The following MAF variants were observed in gnomAD, a reference collection of about 807,000 sequenced individuals.
MAF encodes the protein MAF bZIP transcription factor, also known as transcription factor Maf.
In MAF, 10 loss-of-function variants were observed where a neutral mutation model predicts 22.0. The ratio of observed to expected loss-of-function variants is 0.45; its 90% CI spans 0.28 to 0.77. The LOEUF (loss-of-function observed/expected upper bound fraction) is 0.77. Among genes scored for constraint, MAF ranks in the 30% least tolerant of loss-of-function variants. The pLI is 0.12. For synonymous variants in MAF, 337 were observed against 255.8 expected, an observed-to-expected ratio of 1.32 and a Z score of -3.03; for missense variants, 544 against 548.4, an observed-to-expected ratio of 0.99 and a Z score of 0.08.
At chr16:79,421,782 T>C in the MAF span, among the ~76,000 whole-genome samples, 1 of 152,056 alleles carries the variant, frequency 6.6e-6, no homozygotes, top group East Asian at 1.9e-4. Context: ...TCTTTTGTTT[T>C]GTTTTTTTCT....
the MAF span, among the ~76,000 whole-genome samples, chr16:79,453,017 G>A: frequency 2.0e-5 from 3 of 152,172 alleles, no homozygotes; most frequent in Non-Finnish European, 4.4e-5. Flanking sequence ...CTGTATTTAT[G>A]GAGCTAGCTG....
Position 79,599,145 on chromosome 16 carries a change from C to A in MAF, c.758G>T (p.Gly253Val). 6.4e-7 allele frequency: 1 copy of A among 1,561,970 alleles called. No homozygotes were observed. Among genetic ancestry groups the A allele is most frequent in the Non-Finnish European group, 8.6e-7 (1 of 1,160,434 alleles). The change falls in exon 1 of 2, where the codon GGC (glycine) becomes GTC (valine). Residue 253 changes from glycine to valine, a missense_variant. This residue lies in a region of MAF where 342 missense variants were observed against 315.5 expected (regional missense o/e 1.08). Transcript: ENST00000326043. ...GGALHPHHAA[G>V]GLHFDDRFSD... ...GAAGCGGTCGTCGAAGTGCAGGCCG[C>A]CGGCGGCGTGGTGCGGGTGCAGGGC...
the MAF span, among the ~76,000 whole-genome samples, chr16:79,408,025 G>A: frequency 0.018 from 2,347 of 131,536 alleles, 68 homozygotes; most frequent in African/African-American, 0.061. Context: ...ATGAAGAGGC[G>A]GGCGCCATAA....
chr16:79,346,106 C>G, the MAF span, among the ~76,000 whole-genome samples: 7,995 of 151,404 alleles, frequency 0.053, 408 homozygotes, highest in East Asian at 0.18. Context: ...TATACATGTG[C>G]CATGTTGGTG....
At chr16:79,314,943 G>T in the MAF span, among the ~76,000 whole-genome samples, 1 of 152,146 alleles carries the variant, frequency 6.6e-6, no homozygotes, top group South Asian at 2.1e-4. Context: ...ATGGCAAGGA[G>T]GAAGCAAAAT....
chr16:79,211,585 T>TC, the MAF span: 1 of 1,614,100 alleles, frequency 6.2e-7, no homozygotes, highest in East Asian at 2.2e-5. Context: ...AATTTTTTTT[T>TC]GTCTTTCTTC....
chr16:79,361,646 C>T, the MAF span, among the ~76,000 whole-genome samples: 3 of 152,140 alleles, frequency 2.0e-5, no homozygotes, highest in Non-Finnish European at 4.4e-5. Flanking sequence ...ACTGTGTCAC[C>T]TTTCAAGAGA....
chr16:79,339,108 C>T, the MAF span, among the ~76,000 whole-genome samples: 7 of 151,842 alleles, frequency 4.6e-5, no homozygotes, highest in South Asian at 2.1e-4. Context: ...GTCTCACTGT[C>T]GCCCAGGCTG....
chr16:79,460,725 C>A, the MAF span, among the ~76,000 whole-genome samples: 2 of 152,100 alleles, frequency 1.3e-5, no homozygotes, highest in South Asian at 4.1e-4. Flanking sequence ...CTTCTAAGAC[C>A]TTGATATGTT....
the MAF span, among the ~76,000 whole-genome samples, chr16:79,375,964 A>G: frequency 6.6e-6 from 1 of 152,206 alleles, no homozygotes; most frequent in Non-Finnish European, 1.5e-5. Flanking sequence ...AATGCGGGTT[A>G]ACAATGAATC....
At chr16:79,283,548 G>A in the MAF span, among the ~76,000 whole-genome samples, 1 of 152,170 alleles carries the variant, frequency 6.6e-6, no homozygotes, top group South Asian at 2.1e-4. Context: ...GAAAGAAAGG[G>A]AATGACAAAC....
chr16:79,574,527 T>C, the MAF span, among the ~76,000 whole-genome samples: 32,255 of 152,066 alleles, frequency 0.21, 3,634 homozygotes, highest in South Asian at 0.29. Flanking sequence ...TTAGTTCAAG[T>C]GCTGGCTCTG....
the MAF span, among the ~76,000 whole-genome samples, chr16:79,418,860 A>C: frequency 6.6e-6 from 1 of 152,128 alleles, no homozygotes; most frequent in African/African-American, 2.4e-5. Context: ...GCAGGCCCCA[A>C]CACAGGGCCC....
At chr16:79,250,667 C>T in the MAF span, among the ~76,000 whole-genome samples, 1 of 152,168 alleles carries the variant, frequency 6.6e-6, no homozygotes, top group Non-Finnish European at 1.5e-5. Flanking sequence ...CTCCTGAACA[C>T]TTCCTGTCTA....
chr16:79,445,746 C>T, the MAF span, among the ~76,000 whole-genome samples: 1 of 152,194 alleles, frequency 6.6e-6, no homozygotes, highest in Non-Finnish European at 1.5e-5. Context: ...CCTGTCTCAT[C>T]CAGGAGGTAG....
the MAF span, among the ~76,000 whole-genome samples, chr16:79,314,259 C>G: frequency 6.6e-6 from 1 of 152,296 alleles, no homozygotes; most frequent in South Asian, 2.1e-4. Context: ...CCTAGAGAAG[C>G]AGCACATTTG....
At chr16:79,286,716 G>A in the MAF span, among the ~76,000 whole-genome samples, 1 of 152,160 alleles carries the variant, frequency 6.6e-6, no homozygotes, top group East Asian at 1.9e-4. Flanking sequence ...TCTTTAACAG[G>A]TGAAACAACC....
chr16:79,469,310 A>C, the MAF span, among the ~76,000 whole-genome samples: 1 of 152,234 alleles, frequency 6.6e-6, no homozygotes, highest in Non-Finnish European at 1.5e-5. Context: ...CCCTTTACAG[A>C]AAAAGTTTGC....
chr16:79,372,384 G>C, the MAF span, among the ~76,000 whole-genome samples: 1 of 152,128 alleles, frequency 6.6e-6, no homozygotes, highest in Non-Finnish European at 1.5e-5. Flanking sequence ...ACTGAATAGG[G>C]ATAAATGTAA....
Sources: gnomAD v4.1 joint callset for allele counts (sites outside exome capture counted in the v4.1 genomes callset) on GRCh38, gnomAD v4.1.1 for gene constraint, gnomAD v4.1.1 regional missense constraint, MANE v1.5 for transcripts, NCBI Gene and HGNC (gene_info 2026-07-23, HGNC 2026-07-21) for gene names.